Variants in SLC29A1 observed in about 807,000 individuals in gnomAD.
SLC29A1 encodes equilibrative nucleoside transporter 1.
A neutral mutation model predicts 48.3 loss-of-function variants in SLC29A1; 22 were observed. That is an observed-to-expected ratio of 0.46 (90% CI 0.33 to 0.65). The LOEUF (loss-of-function observed/expected upper bound fraction) is 0.65, where lower values mean the gene tolerates loss of function less well. Among genes scored for constraint, SLC29A1 ranks in the 30% least tolerant of loss-of-function variants. The pLI, the probability that SLC29A1 is intolerant of heterozygous loss-of-function variation, is 0.03. For missense variants in SLC29A1, 491 were observed against 575.3 expected, an observed-to-expected ratio of 0.85 and a Z score of 1.50; for synonymous variants, 228 against 231.0, an observed-to-expected ratio of 0.99 and a Z score of 0.12.
chr6:44,226,947 C>G, intron 1 of SLC29A1: 2 of 1,096,440 alleles, frequency 1.8e-6, no homozygotes, highest in Non-Finnish European at 1.1e-6. Flanking sequence ...CCTCCTCCTT[C>G]CCTCCTGCTC....
At chr6:44,227,738 C>T (rs1777899270) in intron 2 of SLC29A1, among the ~76,000 whole-genome samples, 1 of 152,256 alleles carries the variant, frequency 6.6e-6, no homozygotes, top group Non-Finnish European at 1.5e-5. Flanking sequence ...TCTGATCTTC[C>T]TCTCAATTCC....
At chr6:44,221,853 C>G (rs905894981), upstream of SLC29A1, among the ~76,000 whole-genome samples, 2 of 152,230 alleles carry the variant, frequency 1.3e-5, no homozygotes, top group African/African-American at 4.8e-5. The surrounding 1 kb of genome is among the most constrained non-coding windows in gnomAD (Gnocchi z 4.2). Context: ...ATCCACCGAG[C>G]TGGCAGGGCC....
rs201515093 is a variant in SLC29A1, at chr6:44,233,016, G to A, written c.1259+10G>A. On this transcript the variant is annotated intron_variant, in intron 12 of 12. Coordinates refer to ENST00000371755, the MANE Select transcript of SLC29A1 (RefSeq NM_001372327.1). The stretch of plus-strand genomic sequence containing the variant: ...TGTGCTTCGGGCCCAAGTGAGTAGG[G>A]CTGGCAGGGAACTTGGTGGCATCAG... 71 of 1,610,492 alleles carry A rather than the reference G, an allele frequency of 4.4e-5. No individual in the cohort carries two copies. In the African/African-American group the frequency reaches 8.4e-4, roughly 19 times the overall value.
chr6:44,221,482 G>A (rs564885364), upstream of SLC29A1: 13 of 449,860 alleles, frequency 2.9e-5, no homozygotes, highest in Admixed American at 3.2e-4. This position sits in a 1 kb window ranked among gnomAD's most constrained non-coding sequence, Gnocchi z 4.2. Context: ...CTGCCAAGTT[G>A]GGGAGGGAGT....
intron 1 of SLC29A1, chr6:44,226,096 C>T (rs990336000): frequency 4.1e-6 from 4 of 985,372 alleles, no homozygotes; most frequent in Non-Finnish European, 3.6e-6. Flanking sequence ...TGAGCCTGAA[C>T]TAGGAGCACC....
At chr6:44,225,435 G>A (rs1430636770) in intron 1 of SLC29A1, among the ~76,000 whole-genome samples, 2 of 151,660 alleles carry the variant, frequency 1.3e-5, no homozygotes, top group East Asian at 3.9e-4. Context: ...GAACCTGGGA[G>A]GCAGAATTTG....
chr6:44,226,928 A>C, intron 1 of SLC29A1: 2 of 1,073,406 alleles, frequency 1.9e-6, no homozygotes, highest in Admixed American at 4.8e-5. Flanking sequence ...CCTCCCTCCC[A>C]TCATCTTTCC....
At chr6:44,227,089 AG>A in intron 1 of SLC29A1, 173 bp from the exon 2 acceptor site, 3 of 1,408,470 alleles carry the variant, frequency 2.1e-6, no homozygotes, top group Non-Finnish European at 1.8e-6. Context: ...CTGCTGGGCC[AG>A]GGGGCTGGGT....
At chr6:44,219,704 G>A, upstream of SLC29A1, 3 of 1,288,836 alleles carry the variant, frequency 2.3e-6, no homozygotes, top group Non-Finnish European at 3.0e-6. Context: ...GAGATGAGGA[G>A]GGAGAGAACT....
chr6:44,222,336 G>A (rs536104644), upstream of SLC29A1, among the ~76,000 whole-genome samples: 98 of 152,222 alleles, frequency 6.4e-4, no homozygotes, highest in Admixed American at 1.8e-3. Context: ...GAAGGCTGGG[G>A]ACACCCATTC....
chr6:44,230,895 A>G lies in SLC29A1; in HGVS notation c.766+6A>G. On this transcript the variant is annotated splice_donor_region_variant and intron_variant, in intron 8 of 12. Transcript: ENST00000371755. Reference sequence around the variant, plus strand: ...GTTGGACCTCATTAGCAAAGGTCCGAAGAGCCTGAGGAAGCTGGGGTGGAG... The same window carrying G: ...GTTGGACCTCATTAGCAAAGGTCCGGAGAGCCTGAGGAAGCTGGGGTGGAG... 3 of 1,612,896 alleles carry G rather than the reference A, an allele frequency of 1.9e-6. No homozygotes were observed. The highest frequency in any genetic ancestry group is 1.7e-5 in the Admixed American group (1 of 60,022).
intron 1 of SLC29A1, among the ~76,000 whole-genome samples, chr6:44,226,407 C>T (rs1432735897): frequency 6.6e-6 from 1 of 151,088 alleles, no homozygotes; most frequent in Non-Finnish European, 1.5e-5. Context: ...CCCCTCCAAT[C>T]TTCTTTTCAA....
chr6:44,231,945 C>T (rs1778993587), intron 9 of SLC29A1, 53 bp from the exon 10 acceptor site: 4 of 1,343,600 alleles, frequency 3.0e-6, no homozygotes, highest in Non-Finnish European at 4.3e-6. Flanking sequence ...TTCTTTAATG[C>T]ACAGCCACCA....
intron 2 of SLC29A1, among the ~76,000 whole-genome samples, chr6:44,228,823 A>G (rs1018487067): frequency 4.6e-5 from 7 of 152,064 alleles, no homozygotes; most frequent in Non-Finnish European, 1.0e-4. Flanking sequence ...ACAAAGTTCT[A>G]TTTGGCCAGG....
intron 1 of SLC29A1, among the ~76,000 whole-genome samples, chr6:44,224,406 G>A (rs908310404): frequency 1.3e-5 from 2 of 151,954 alleles, no homozygotes; most frequent in African/African-American, 4.8e-5. Context: ...ACTCAAGTCA[G>A]GCTGGGAATG....
upstream of SLC29A1, among the ~76,000 whole-genome samples, chr6:44,221,068 G>A (rs1422023540): frequency 6.6e-6 from 1 of 151,790 alleles, no homozygotes; most frequent in East Asian, 1.9e-4. The surrounding 1 kb of genome is among the most constrained non-coding windows in gnomAD (Gnocchi z 4.2). Flanking sequence ...TTTTTTTGTA[G>A]AGATGGGGTC....
upstream of SLC29A1, among the ~76,000 whole-genome samples, chr6:44,220,184 T>TA (rs1300698328): frequency 2.0e-4 from 30 of 149,764 alleles, no homozygotes; most frequent in East Asian, 9.8e-4. Context: ...ATGGAGTCTT[T>TA]AAAAAAAAAC....
Position 44,229,478 on chromosome 6 carries a change from C to T in SLC29A1, c.111+7C>T. The T allele has an allele frequency of 1.2e-6, 2 of 1,613,014 alleles. No homozygotes were observed. The highest frequency in any genetic ancestry group is 2.7e-5 in the African/African-American group (2 of 75,022). On this transcript the variant is annotated splice_region_variant and intron_variant, in intron 3 of 12. Coordinates refer to ENST00000371755, the MANE Select transcript of SLC29A1 (RefSeq NM_001372327.1). The surrounding 1 kb of genome is among the most constrained non-coding windows in gnomAD (Gnocchi z 5.1). ...TTTCATGACGGCCACTCAGGTGAGGCTGGAGGGACTGGGCTCCATGGGGCA... is the reference window on the plus strand; with the variant it reads ...TTTCATGACGGCCACTCAGGTGAGGTTGGAGGGACTGGGCTCCATGGGGCA...
At chr6:44,231,223 T>C in intron 8 of SLC29A1, 141 bp from the exon 9 acceptor site, 1 of 645,900 alleles carries the variant, frequency 1.5e-6, no homozygotes. Context: ...GGAGGCGAGG[T>C]CTGGGTTAGG....
Sources: gnomAD v4.1 joint callset for allele counts (sites outside exome capture counted in the v4.1 genomes callset) on GRCh38, gnomAD v4.1.1 for gene constraint, Gnocchi (gnomAD v3.1) non-coding constraint, MANE v1.5 for transcripts, NCBI Gene and HGNC (gene_info 2026-07-23, HGNC 2026-07-21) for gene names.